Variants in UNC79 observed in about 807,000 individuals in gnomAD.
The protein encoded by UNC79 is protein unc-79 homolog.
In UNC79, 37 loss-of-function variants were observed where a neutral mutation model predicts 283.1. That is an observed-to-expected ratio of 0.13 (90% CI 0.10 to 0.17). The LOEUF (loss-of-function observed/expected upper bound fraction) is 0.17. Among genes scored for constraint, UNC79 ranks in the 10% least tolerant of loss-of-function variants. The pLI, the probability that UNC79 is intolerant of heterozygous loss-of-function variation, is 1.00. For missense variants in UNC79, 2,272 were observed against 3,211.1 expected (o/e 0.71, Z 7.07); for synonymous variants, 1,107 against 1,200.2 (o/e 0.92, Z 1.61).
At chr14:93,437,097 A>T (rs761409424) in intron 1 of UNC79, among the ~76,000 whole-genome samples, 1 of 152,168 alleles carries the variant, frequency 6.6e-6, no homozygotes, top group East Asian at 1.9e-4. Context: ...ATGCATGTGT[A>T]TATACATATA....
intron 22 of UNC79, among the ~76,000 whole-genome samples, chr14:93,588,740 CAAAAAAAA>C (rs397745981): frequency 1.7e-4 from 3 of 17,790 alleles, no homozygotes; most frequent in East Asian, 1.5e-3. Flanking sequence ...GACTCCGTCT[CAAAAAAAA>C]AAAAAAAAAA....
At chr14:93,616,002 C>A (rs2066697146) in intron 27 of UNC79, among the ~76,000 whole-genome samples, 1 of 151,792 alleles carries the variant, frequency 6.6e-6, no homozygotes, top group Non-Finnish European at 1.5e-5. Flanking sequence ...TTTTTTATTT[C>A]AATGGGTTTT....
chr14:93,689,084 T>C (rs1338072888), intron 44 of UNC79: 2 of 461,946 alleles, frequency 4.3e-6, no homozygotes, highest in East Asian at 6.6e-5. Flanking sequence ...TCATGAAGAA[T>C]GAAAATTTTG....
In UNC79 at chr14:93,577,974, C is replaced by T. The variant is rs772203300; in HGVS notation, c.2344C>T (p.Pro782Ser). ...TAGCCCTTTCAAGAATTTTGGACAC[C>T]CAGGAGGAAGGACTATTGACTTTGA... The change falls in exon 18 of 49, where the codon CCA (proline) becomes TCA (serine). Residue 782 changes from proline (P) to serine (S), a missense_variant. Transcript: ENST00000555664. The T allele has an allele frequency of 2.7e-5, 43 of 1,614,010 alleles. No homozygotes were observed. Among genetic ancestry groups the T allele is most frequent in the South Asian group, 1.1e-4 (10 of 91,080 alleles).
At chr14:93,464,720 G>C in intron 1 of UNC79, 1 of 405,116 alleles carries the variant, frequency 2.5e-6, no homozygotes, top group South Asian at 1.8e-5. Flanking sequence ...TGAGGTTGAA[G>C]ATCATTCATT....
intron 1 of UNC79, among the ~76,000 whole-genome samples, chr14:93,424,670 C>T (rs1188114031): frequency 6.6e-6 from 1 of 151,296 alleles, no homozygotes; most frequent in Non-Finnish European, 1.5e-5. Flanking sequence ...AACAATTGAA[C>T]TCATAGAGAT....
At chr14:93,393,713 T>A (rs966725185) in intron 1 of UNC79, among the ~76,000 whole-genome samples, 10 of 152,154 alleles carry the variant, frequency 6.6e-5, no homozygotes, top group Admixed American at 1.3e-4. Context: ...AAGCAATTTT[T>A]AAAAAGCCAT....
At chr14:93,492,498 C>T (rs537052077) in intron 5 of UNC79, among the ~76,000 whole-genome samples, 1 of 152,290 alleles carries the variant, frequency 6.6e-6, no homozygotes, top group East Asian at 1.9e-4. Context: ...GGACTACAGG[C>T]ACATGCCACC....
chr14:93,608,343 A>G (rs1352298744), intron 26 of UNC79, among the ~76,000 whole-genome samples: 1 of 152,170 alleles, frequency 6.6e-6, no homozygotes, highest in Non-Finnish European at 1.5e-5. Context: ...ATGCAAAGGG[A>G]GGGGAGCTTT....
chr14:93,563,170 A>C (rs2141462725), intron 14 of UNC79, among the ~76,000 whole-genome samples: 1 of 152,284 alleles, frequency 6.6e-6, no homozygotes, highest in South Asian at 2.1e-4. Context: ...GATAGGTGGA[A>C]GTTTCAAAGG....
At chr14:93,419,411 C>T in intron 1 of UNC79, among the ~76,000 whole-genome samples, 1 of 151,526 alleles carries the variant, frequency 6.6e-6, no homozygotes, top group Non-Finnish European at 1.5e-5. Flanking sequence ...TCGTGATCCA[C>T]CTGCCTCAGC....
At chr14:93,612,148 G>A (rs554575045) in intron 26 of UNC79, among the ~76,000 whole-genome samples, 72 of 152,230 alleles carry the variant, frequency 4.7e-4, no homozygotes, top group Middle Eastern at 3.4e-3. Flanking sequence ...TTCATGCTTC[G>A]CTCTCTTTCT....
intron 1 of UNC79, among the ~76,000 whole-genome samples, chr14:93,408,268 A>G (rs1295300698): frequency 6.6e-6 from 1 of 152,252 alleles, no homozygotes; most frequent in Non-Finnish European, 1.5e-5. Context: ...TGGAAGCTCT[A>G]AAAGAATCTA....
chr14:93,655,301 C>A (rs779512990), exon 38 of UNC79: 15 of 1,614,106 alleles, frequency 9.3e-6, no homozygotes, highest in Non-Finnish European at 1.2e-5. Context: ...AACATTGCAA[C>A]CTTCATGGAA....
chr14:93,399,920 C>T (rs1382232522), intron 1 of UNC79, among the ~76,000 whole-genome samples: 5 of 152,140 alleles, frequency 3.3e-5, no homozygotes, highest in Non-Finnish European at 5.9e-5. Flanking sequence ...TACTAGGCCA[C>T]AGGATTAATG....
chr14:93,653,864 C>G lies in UNC79; in HGVS notation c.6196+10C>G. 1 of 1,614,086 alleles carries G rather than the reference C, an allele frequency of 6.2e-7. No homozygotes were observed. On this transcript the variant is annotated intron_variant, in intron 36 of 48. Transcript: ENST00000555664. ...CAAAGCACGATCAAAGGTAATTCAT[C>G]CACTGAGGATCCAGGCACCACAAAT...
intron 32 of UNC79, 147 bp downstream of exon 35, chr14:93,637,446 G>C: frequency 1.5e-6 from 2 of 1,358,442 alleles, no homozygotes; most frequent in Non-Finnish European, 2.0e-6. Context: ...GTGGCTGAGA[G>C]TGCGTGACAT....
chr14:93,614,043 TAAAAA>T (rs201790798), intron 27 of UNC79, among the ~76,000 whole-genome samples: 4 of 125,844 alleles, frequency 3.2e-5, no homozygotes, highest in Admixed American at 8.1e-5. Context: ...TCATGCACAG[TAAAAA>T]AAAAAAAAAA....
chr14:93,452,469 A>G (rs1476757092), intron 1 of UNC79, among the ~76,000 whole-genome samples: 1 of 148,884 alleles, frequency 6.7e-6, no homozygotes, highest in Non-Finnish European at 1.5e-5. Context: ...GCTCACAGCA[A>G]CCTCCGCCTC....
Sources: gnomAD v4.1 joint callset for allele counts (sites outside exome capture counted in the v4.1 genomes callset) on GRCh38, gnomAD v4.1.1 for gene constraint, MANE v1.5 for transcripts, NCBI Gene and HGNC (gene_info 2026-07-23, HGNC 2026-07-21) for gene names.